Variants in HIPK2 observed in about 807,000 individuals in gnomAD.
HIPK2 encodes homeodomain-interacting protein kinase 2.
A neutral mutation model predicts 113.7 loss-of-function variants in HIPK2; 27 were observed. The observed-to-expected ratio is 0.24, with a 90% CI of 0.17 to 0.33. HIPK2 has a LOEUF of 0.33. Ranked by LOEUF, HIPK2 falls within the 10% of genes least tolerant of loss-of-function variation. The probability of loss-of-function intolerance (pLI) is 1.00; values close to 1 mark genes in which losing one functional copy is unlikely to be tolerated. For synonymous variants in HIPK2, 631 were observed against 642.2 expected (o/e 0.98, Z 0.26); for missense variants, 1,257 against 1,588.0 (o/e 0.79, Z 3.54).
At chr7:139,749,679 C>A (rs984170525) in intron 1 of HIPK2, among the ~76,000 whole-genome samples, 1 of 152,184 alleles carries the variant, frequency 6.6e-6, no homozygotes, top group African/African-American at 2.4e-5. Flanking sequence ...GGGCTTAGAG[C>A]CTCTGATTAC....
chr7:139,599,017 T>G (rs1008779227), intron 11 of HIPK2, among the ~76,000 whole-genome samples: 1 of 152,242 alleles, frequency 6.6e-6, no homozygotes, highest in African/African-American at 2.4e-5. Context: ...CTTGGATGAA[T>G]TTTTGAATAA....
At chr7:139,614,546 AGG>A in intron 7 of HIPK2, 53 bp from the exon 8 acceptor site, 2 of 1,150,326 alleles carry the variant, frequency 1.7e-6, no homozygotes, top group Non-Finnish European at 2.3e-6. Context: ...AAAATGAGGG[AGG>A]TGGCATGTTG....
At chr7:139,717,805 C>T (rs1334818911) in intron 1 of HIPK2, among the ~76,000 whole-genome samples, 1 of 152,158 alleles carries the variant, frequency 6.6e-6, no homozygotes, top group Non-Finnish European at 1.5e-5. Context: ...AGTGCAATGG[C>T]ATGATCTCGG....
At chr7:139,734,565 C>T (rs1472908563) in intron 1 of HIPK2, among the ~76,000 whole-genome samples, 2 of 152,168 alleles carry the variant, frequency 1.3e-5, no homozygotes, top group East Asian at 1.9e-4. Context: ...TGCTCCATGA[C>T]GCCACGGTTG....
rs942758188 is a variant in HIPK2, at chr7:139,565,164, G to A, written c.*7763C>T. The A allele has an allele frequency of 2.0e-4, 30 of 151,702 alleles. No individual in the cohort carries two copies. The highest frequency in any genetic ancestry group is 7.0e-4 in the African/African-American group (29 of 41,274). The allele number at this position is 151,702 out of a possible 1,614,324, so 9.4% of individuals were successfully genotyped here. ...CATTTGAGGTAATTATTGCCATTAGGTCACAGTTTGTGTAAGATAATGTAT... is the reference window on the plus strand; with the variant it reads ...CATTTGAGGTAATTATTGCCATTAGATCACAGTTTGTGTAAGATAATGTAT... On this transcript the variant is annotated 3_prime_UTR_variant, in exon 15 of 15. Coordinates refer to ENST00000406875, the MANE Select transcript of HIPK2 (RefSeq NM_022740.5).
At chr7:139,621,344 A>G (rs572700284) in intron 6 of HIPK2, among the ~76,000 whole-genome samples, 2 of 152,214 alleles carry the variant, frequency 1.3e-5, no homozygotes, top group South Asian at 4.2e-4. Context: ...TCTTTCACCA[A>G]CTTCAGCCTT....
At chr7:139,586,843 ATAGT>A (rs1364907242) in intron 12 of HIPK2, among the ~76,000 whole-genome samples, 3 of 152,164 alleles carry the variant, frequency 2.0e-5, no homozygotes, top group African/African-American at 4.8e-5. Context: ...AAAAGGACAA[ATAGT>A]TTGTTTGAGT....
At chr7:139,597,062 GC>G in intron 11 of HIPK2, 64 bp from the exon 12 acceptor site, 1 of 1,506,340 alleles carries the variant, frequency 6.6e-7, no homozygotes, top group Non-Finnish European at 8.9e-7. Context: ...CTTCGAAGGA[GC>G]CCAATTGCCT....
At chr7:139,719,776 G>C (rs1201859917) in intron 1 of HIPK2, among the ~76,000 whole-genome samples, 3 of 152,112 alleles carry the variant, frequency 2.0e-5, no homozygotes, top group African/African-American at 7.2e-5. Flanking sequence ...AACATCTCTT[G>C]CATCCAATTC....
intron 2 of HIPK2, among the ~76,000 whole-genome samples, chr7:139,713,825 C>A (rs1458626449): frequency 6.6e-6 from 1 of 152,222 alleles, no homozygotes; most frequent in Non-Finnish European, 1.5e-5. Flanking sequence ...ACCAGCTAGC[C>A]CCCAATGGGG....
At chr7:139,607,819 T>G (rs1799671813) in intron 9 of HIPK2, among the ~76,000 whole-genome samples, 1 of 152,016 alleles carries the variant, frequency 6.6e-6, no homozygotes, top group South Asian at 2.1e-4. Context: ...AAGCTAAATC[T>G]TCATCTTCCA....
intron 1 of HIPK2, among the ~76,000 whole-genome samples, chr7:139,717,934 G>T (rs1795297075): frequency 6.6e-6 from 1 of 151,998 alleles, no homozygotes; most frequent in Non-Finnish European, 1.5e-5. Flanking sequence ...AGTAGGGATG[G>T]GGTTTCACCA....
chr7:139,745,686 C>G (rs1415038206), intron 1 of HIPK2, among the ~76,000 whole-genome samples: 1 of 152,294 alleles, frequency 6.6e-6, no homozygotes, highest in African/African-American at 2.4e-5. Flanking sequence ...GTGGCTGAGG[C>G]TAAGCACCCT....
intron 2 of HIPK2, among the ~76,000 whole-genome samples, chr7:139,650,967 T>A (rs1289372174): frequency 1.3e-5 from 2 of 152,236 alleles, no homozygotes; most frequent in African/African-American, 4.8e-5. Flanking sequence ...TGCTCCCAAA[T>A]TCCTGGAGCA....
intron 1 of HIPK2, among the ~76,000 whole-genome samples, chr7:139,750,822 T>A (rs571279533): frequency 3.9e-5 from 6 of 152,320 alleles, no homozygotes; most frequent in African/African-American, 1.4e-4. Flanking sequence ...AAAATTTAGT[T>A]GAAAAGAACT....
intron 2 of HIPK2, among the ~76,000 whole-genome samples, chr7:139,668,179 A>C (rs1802124200): frequency 6.6e-6 from 1 of 151,868 alleles, no homozygotes; most frequent in South Asian, 2.1e-4. Context: ...TATGATATGC[A>C]ACTAAAATCA....
chr7:139,707,279 T>C (rs1238738604), intron 2 of HIPK2, among the ~76,000 whole-genome samples: 2 of 152,228 alleles, frequency 1.3e-5, no homozygotes, highest in East Asian at 3.9e-4. Flanking sequence ...ACCATCTCAA[T>C]CTGTCCCGGA....
At chr7:139,678,074 T>C (rs1406011218) in intron 2 of HIPK2, among the ~76,000 whole-genome samples, 1 of 152,240 alleles carries the variant, frequency 6.6e-6, no homozygotes, top group Non-Finnish European at 1.5e-5. Flanking sequence ...GTTGTTTGTT[T>C]TTTTCTTGTA....
In HIPK2 at chr7:139,638,656, C is replaced by CTTTTTTTTTTTTTTTTT. The variant is rs1184555180; in HGVS notation, c.1104-6948_1104-6932dup. ...CTGGAGAAAGAGAGTAAATAATTGT[C>CTTTTTTTTTTTTTTTTT]TTTTTTTTTTTTTTTTTTTGAGACA... On this transcript the variant is annotated intron_variant, in intron 2 of 14. Transcript: ENST00000406875. 4.5e-4 allele frequency among the ~76,000 whole-genome samples: 58 copies of CTTTTTTTTTTTTTTTTT among 130,246 alleles called. 1 individual carries two copies. Among genetic ancestry groups the CTTTTTTTTTTTTTTTTT allele is most frequent in the African/African-American group, 1.6e-3 (54 of 32,920 alleles). 85.4% of individuals were successfully genotyped at this position (130,246 alleles called of 152,430 possible).
Sources: gnomAD v4.1 joint callset for allele counts (sites outside exome capture counted in the v4.1 genomes callset) on GRCh38, gnomAD v4.1.1 for gene constraint, MANE v1.5 for transcripts, NCBI Gene and HGNC (gene_info 2026-07-23, HGNC 2026-07-21) for gene names.